Variants in EDIL3 observed in about 807,000 individuals in gnomAD.
EDIL3 encodes EGF-like repeat and discoidin I-like domain-containing protein 3.
EDIL3 carries 37 observed loss-of-function variants against 67.4 expected under a neutral mutation model. That is an observed-to-expected ratio of 0.55 (90% confidence interval 0.42 to 0.72). The LOEUF is 0.72. Among genes scored for constraint, EDIL3 ranks in the 30% least tolerant of loss-of-function variants. The pLI, the probability that EDIL3 is intolerant of heterozygous loss-of-function variation, is 0.00. For synonymous variants in EDIL3, 195 were observed against 196.3 expected (o/e 0.99, Z 0.05); for missense variants, 527 against 586.3 (o/e 0.90, Z 1.04).
intron 5 of EDIL3, among the ~76,000 whole-genome samples, chr5:84,136,336 G>A (rs1441467155): frequency 6.6e-6 from 1 of 152,086 alleles, no homozygotes; most frequent in Non-Finnish European, 1.5e-5. Flanking sequence ...GATATACATC[G>A]AAGCAGTAGC....
At chr5:84,169,371 T>C (rs767555959) in intron 4 of EDIL3, among the ~76,000 whole-genome samples, 2 of 152,242 alleles carry the variant, frequency 1.3e-5, no homozygotes, top group African/African-American at 4.8e-5. Context: ...ATTACTATGA[T>C]AGTCCAATCT....
chr5:84,205,292 G>A (rs1580375951), intron 3 of EDIL3, among the ~76,000 whole-genome samples: 1 of 151,878 alleles, frequency 6.6e-6, no homozygotes, highest in South Asian at 2.1e-4. Context: ...CACATTTTTT[G>A]TGTGGATTTT....
At chr5:84,247,929 A>C (rs1276301869) in intron 2 of EDIL3, among the ~76,000 whole-genome samples, 1 of 152,062 alleles carries the variant, frequency 6.6e-6, no homozygotes, top group Admixed American at 6.6e-5. Context: ...ATTTTTTCCA[A>C]GTGATAATGA....
At chr5:83,985,799 G>A (rs1348818572) in intron 9 of EDIL3, among the ~76,000 whole-genome samples, 2 of 151,578 alleles carry the variant, frequency 1.3e-5, no homozygotes, top group East Asian at 3.9e-4. Context: ...TAAAATAATA[G>A]GTAAAAATAT....
rs139696057 is a variant in EDIL3 at position 84,179,276 on chromosome 5, G to A, written c.355+1117C>T. Reference sequence around the variant, plus strand: ...AGCAGTGATGCTAGCTAGCATCAGGGAGACCTAGCCTTGGCACCTCTGGGC... The same window carrying A: ...AGCAGTGATGCTAGCTAGCATCAGGAAGACCTAGCCTTGGCACCTCTGGGC... On this transcript the variant is annotated intron_variant, in intron 4 of 10. Transcript: ENST00000296591. 7.2e-3 allele frequency among the ~76,000 whole-genome samples: 1,101 copies of A among 152,264 alleles called. 7 individuals carry two copies. The highest frequency in any genetic ancestry group is 0.017 in the Middle Eastern group (5 of 294).
At chr5:84,210,026 T>C (rs1021195413) in intron 3 of EDIL3, among the ~76,000 whole-genome samples, 13 of 152,196 alleles carry the variant, frequency 8.5e-5, no homozygotes, top group African/African-American at 3.1e-4. Context: ...GTTTTCAAAG[T>C]ATAAAAAGTA....
intron 1 of EDIL3, among the ~76,000 whole-genome samples, chr5:84,294,565 T>C (rs1417293906): frequency 1.3e-5 from 2 of 152,018 alleles, no homozygotes; most frequent in Non-Finnish European, 2.9e-5. Flanking sequence ...CATATATACA[T>C]ATATACATAC....
intron 1 of EDIL3, among the ~76,000 whole-genome samples, chr5:84,347,670 A>T (rs1233238525): frequency 1.3e-5 from 2 of 152,196 alleles, no homozygotes; most frequent in African/African-American, 4.8e-5. Context: ...CATATTATAC[A>T]AGTCTATCTT....
intron 6 of EDIL3, among the ~76,000 whole-genome samples, chr5:84,090,946 C>CA (rs1247538769): frequency 8.4e-6 from 1 of 119,342 alleles, no homozygotes; most frequent in East Asian, 2.3e-4. Context: ...GACTCTGTCT[C>CA]AAAAAAACAA....
At chr5:84,091,011 A>G (rs984233645) in intron 6 of EDIL3, among the ~76,000 whole-genome samples, 2 of 152,106 alleles carry the variant, frequency 1.3e-5, no homozygotes, top group Admixed American at 6.6e-5. Context: ...GTTACTTAAT[A>G]TAGCCTTAAG....
chr5:84,070,785 G>C (rs1251729428), intron 6 of EDIL3, among the ~76,000 whole-genome samples: 2 of 152,042 alleles, frequency 1.3e-5, no homozygotes, highest in African/African-American at 4.8e-5. Context: ...TGCTGAGCAG[G>C]CTTTGAAATT....
intron 5 of EDIL3, among the ~76,000 whole-genome samples, chr5:84,112,745 A>ATC (rs1561434972): frequency 6.6e-6 from 1 of 152,212 alleles, no homozygotes; most frequent in Non-Finnish European, 1.5e-5. Flanking sequence ...CTCACAAGAT[A>ATC]GAGAACCCCT....
intron 1 of EDIL3, among the ~76,000 whole-genome samples, chr5:84,322,201 C>T (rs7711252): frequency 1.3e-5 from 2 of 150,964 alleles, no homozygotes; most frequent in African/African-American, 2.4e-5. Flanking sequence ...AAAAGTATGA[C>T]CCACTCAAAA....
At chr5:83,963,081 CA>C in intron 10 of EDIL3, 123 bp downstream of exon 10, 13 of 1,224,050 alleles carry the variant, frequency 1.1e-5, no homozygotes, top group Non-Finnish European at 1.4e-5. Flanking sequence ...TTTTATTTAA[CA>C]TATATTTTCA....
At chr5:84,102,073 T>G (rs1747377327) in intron 6 of EDIL3, among the ~76,000 whole-genome samples, 1 of 152,056 alleles carries the variant, frequency 6.6e-6, no homozygotes, top group Admixed American at 6.6e-5. Context: ...AAAAACCACA[T>G]GATCATCTCA....
chr5:84,307,721 T>C (rs1415941454), intron 1 of EDIL3, among the ~76,000 whole-genome samples: 1 of 151,918 alleles, frequency 6.6e-6, no homozygotes. Flanking sequence ...AGTCCACAAT[T>C]AGCTGCAGCC....
At chr5:84,318,160 A>G (rs1199362049) in intron 1 of EDIL3, among the ~76,000 whole-genome samples, 3 of 152,210 alleles carry the variant, frequency 2.0e-5, no homozygotes, top group Non-Finnish European at 4.4e-5. Context: ...ATAAAAGAAG[A>G]CACAAACAAA....
At chr5:84,362,427 T>G (rs1029144020) in intron 1 of EDIL3, among the ~76,000 whole-genome samples, 2 of 152,180 alleles carry the variant, frequency 1.3e-5, no homozygotes, top group Non-Finnish European at 2.9e-5. Flanking sequence ...CTACATTGCA[T>G]GAATATGAAG....
intron 8 of EDIL3, among the ~76,000 whole-genome samples, chr5:84,063,815 C>A (rs1746584276): frequency 6.6e-6 from 1 of 152,102 alleles, no homozygotes; most frequent in South Asian, 2.1e-4. Context: ...AAAAGCGGAG[C>A]ACACACGCAC....
Sources: allele counts gnomAD v4.1 joint callset (sites outside exome capture counted in the v4.1 genomes callset), GRCh38; gene constraint gnomAD v4.1.1; transcripts MANE v1.5; gene names NCBI Gene and HGNC (gene_info 2026-07-23, HGNC 2026-07-21).